POMT2: variants seen among roughly 807,000 people sequenced by gnomAD.
The protein encoded by POMT2 is protein O-mannosyltransferase 2.
In POMT2, 75 loss-of-function variants were observed where a neutral mutation model predicts 100.0. That is an observed-to-expected ratio of 0.75 (90% CI 0.62 to 0.91). The LOEUF (loss-of-function observed/expected upper bound fraction) is 0.91, where lower values mean the gene tolerates loss of function less well. POMT2 is among the 40% of genes least tolerant of loss of function. POMT2 has a pLI of 0.00. For missense variants in POMT2, 940 were observed against 955.1 expected (o/e 0.98, Z 0.21); for synonymous variants, 378 against 374.1 (o/e 1.01, Z -0.12).
intron 9 of POMT2, among the ~76,000 whole-genome samples, chr14:77,294,054 C>T (rs1378329943): frequency 1.3e-5 from 2 of 152,176 alleles, no homozygotes; most frequent in African/African-American, 4.8e-5. Flanking sequence ...AAATCATAAT[C>T]TCTGCAGTGG....
At chr14:77,300,370 C>T (rs573390311) in intron 6 of POMT2, 1 of 155,092 alleles carries the variant, frequency 6.4e-6, no homozygotes, top group East Asian at 1.9e-4. Context: ...AGGGTAATAA[C>T]TCCCTACCTC....
chr14:77,313,633 G>A (rs1891519810), intron 1 of POMT2, among the ~76,000 whole-genome samples: 1 of 152,202 alleles, frequency 6.6e-6, no homozygotes, highest in Non-Finnish European at 1.5e-5. Flanking sequence ...TGACATTTGT[G>A]GTTAGTTTTT....
chr14:77,313,085 C>G (rs545214485), intron 1 of POMT2, among the ~76,000 whole-genome samples: 296 of 152,344 alleles, frequency 1.9e-3, no homozygotes, highest in Non-Finnish European at 3.0e-3. Flanking sequence ...TTTGGGAACG[C>G]AGCCAAGTCA....
At chr14:77,291,633 T>C (rs528253133) in intron 9 of POMT2, 5 of 604,562 alleles carry the variant, frequency 8.3e-6, no homozygotes, top group Non-Finnish European at 1.4e-5. Flanking sequence ...TGTATCTTTC[T>C]GCATCTTGTC....
intron 5 of POMT2, 65 bp from the exon 6 acceptor site, chr14:77,301,314 G>C: frequency 6.3e-7 from 1 of 1,592,934 alleles, no homozygotes; most frequent in Non-Finnish European, 8.6e-7. Context: ...AAGCGCAGCA[G>C]GGGACAGGGC....
intron 2 of POMT2, among the ~76,000 whole-genome samples, chr14:77,311,201 TGAGA>T (rs1891424278): frequency 6.6e-6 from 1 of 152,186 alleles, no homozygotes; most frequent in Non-Finnish European, 1.5e-5. Context: ...GTAAAACATG[TGAGA>T]GAAACAGATC....
chr14:77,312,125 G>C (rs920529582), intron 1 of POMT2, 92 bp from the exon 2 acceptor site: 1 of 1,523,498 alleles, frequency 6.6e-7, no homozygotes, highest in Non-Finnish European at 8.8e-7. Context: ...TAAAGGCTAT[G>C]CATTTCAAAC....
rs1890314861 is a variant in POMT2, at chr14:77,283,790, C to T, written c.1653+7G>A. ...GAGACGCCATGAAATGAGAAGGGGACACATACCCGGATCATGACCATGTGG... is the reference window on the plus strand; with the variant it reads ...GAGACGCCATGAAATGAGAAGGGGATACATACCCGGATCATGACCATGTGG... On this transcript the variant is annotated splice_region_variant and intron_variant, in intron 15 of 20. Coordinates refer to ENST00000261534, the MANE Select transcript of POMT2 (RefSeq NM_013382.7). The T allele has an allele frequency of 6.3e-7, 1 of 1,597,492 alleles. No individual in the cohort carries two copies. The highest frequency in any genetic ancestry group is 1.1e-5 in the South Asian group (1 of 90,698).
rs993376920 is a variant in POMT2, at chr14:77,276,296, CAGAGAG to C, written c.*1074_*1079del. 1 of 152,618 alleles carries C rather than the reference CAGAGAG, an allele frequency of 6.6e-6. No individual in the cohort carries two copies. The highest frequency in any genetic ancestry group is 2.4e-5 in the African/African-American group (1 of 41,434). The allele number at this position is 152,618 out of a possible 1,614,324, so 9.5% of individuals were successfully genotyped here. On this transcript the variant is annotated 3_prime_UTR_variant, in exon 21 of 21. Transcript: ENST00000261534. ...TGGGTCTTCACTGCTGAAGCAGTGA[CAGAGAG>C]AAAGGGAATTGCCCACGGAGTGAGG...
At chr14:77,283,562 C>T (rs562649958) in intron 15 of POMT2, among the ~76,000 whole-genome samples, 3 of 152,194 alleles carry the variant, frequency 2.0e-5, no homozygotes, top group Non-Finnish European at 4.4e-5. Flanking sequence ...TAGTGCTTAG[C>T]GTAGTGCCTG....
chr14:77,297,384 T>G (rs1890871034), intron 8 of POMT2, among the ~76,000 whole-genome samples: 2 of 152,188 alleles, frequency 1.3e-5, no homozygotes, highest in South Asian at 4.1e-4. Flanking sequence ...TTCTACAGTT[T>G]CCTTACAAAT....
At chr14:77,304,254 A>G (rs1891149466) in intron 4 of POMT2, among the ~76,000 whole-genome samples, 2 of 152,222 alleles carry the variant, frequency 1.3e-5, no homozygotes, top group Non-Finnish European at 2.9e-5. Context: ...CCAAGTTCCC[A>G]TTTTGCTATC....
intron 9 of POMT2, 74 bp downstream of exon 9, chr14:77,296,090 G>C: frequency 8.5e-7 from 1 of 1,172,012 alleles, no homozygotes; most frequent in Non-Finnish European, 1.2e-6. Context: ...ATGAGCAAAG[G>C]ATAGGAGGCA....
chr14:77,301,458 G>A (rs1188633403), intron 5 of POMT2, among the ~76,000 whole-genome samples: 30 of 152,284 alleles, frequency 2.0e-4, no homozygotes, highest in Admixed American at 6.5e-5. Context: ...GTCTGAGGGC[G>A]CAGGGTATTC....
At chr14:77,317,988 T>C (rs569331039) in intron 1 of POMT2, among the ~76,000 whole-genome samples, 1 of 152,352 alleles carries the variant, frequency 6.6e-6, no homozygotes, top group Admixed American at 6.5e-5. Context: ...AATGGGCCTC[T>C]GTCAATTTTC....
chr14:77,277,452 C>G lies in POMT2; in HGVS notation c.2177G>C (p.Gly726Ala). The change falls in exon 21 of 21, where the codon GGG (glycine) becomes GCG (alanine). Residue 726 changes from glycine to alanine, a missense_variant. Transcript: ENST00000261534. ...SFYLFHPLAY[G>A]MVGPLAQDPQ... ...GTCCTGGGCCAGGGGACCAACCATC[C>G]CGTAAGCCAGAGGGTGGAAGAGGTA... The G allele has an allele frequency of 6.2e-7, 1 of 1,613,974 alleles. No individual in the cohort carries two copies. Among genetic ancestry groups the G allele is most frequent in the African/African-American group, 1.3e-5 (1 of 75,046 alleles).
rs765595759 is a variant in POMT2, at chr14:77,306,377, C to T, written c.398G>A (p.Gly133Glu). 6.2e-7 allele frequency: 1 copy of T among 1,613,152 alleles called. No individual in the cohort carries two copies. The highest frequency in any genetic ancestry group is 1.3e-5 in the African/African-American group (1 of 74,906). The change falls in exon 3 of 21, where the codon GGG (glycine) becomes GAG (glutamate). Residue 133 changes from glycine to glutamate, a missense_variant. Physicochemically the swap from Gly to Glu is moderately conservative, Grantham distance 98. Coordinates refer to ENST00000261534, the MANE Select transcript of POMT2 (RefSeq NM_013382.7). ...YDGTFLFQKP[G>E]DKYEHHSYMG... ...GTAGCTGTGATGCTCATATTTATCCCCAGGCTTCTGGAACAAAAAGGTACC... is the reference window on the plus strand; with the variant it reads ...GTAGCTGTGATGCTCATATTTATCCTCAGGCTTCTGGAACAAAAAGGTACC...
chr14:77,301,051 G>A, intron 6 of POMT2, 39 bp downstream of exon 6: 1 of 1,613,152 alleles, frequency 6.2e-7, no homozygotes, highest in Non-Finnish European at 8.5e-7. Context: ...CAACATCAGG[G>A]AGCAAAAACA....
chr14:77,312,060 A>C, intron 1 of POMT2, 27 bp from the exon 2 acceptor site: 1 of 1,612,128 alleles, frequency 6.2e-7, no homozygotes, highest in Non-Finnish European at 8.5e-7. Flanking sequence ...AAGAGAAACA[A>C]GAATTTTAAA....
Sources: allele counts gnomAD v4.1 joint callset (sites outside exome capture counted in the v4.1 genomes callset), GRCh38; gene constraint gnomAD v4.1.1; transcripts MANE v1.5; gene names NCBI Gene and HGNC (gene_info 2026-07-23, HGNC 2026-07-21).